Variants in SLC9C2 observed in about 807,000 individuals in gnomAD.
SLC9C2 encodes sodium/hydrogen exchanger 11.
A neutral mutation model predicts 140.2 loss-of-function variants in SLC9C2; 75 were observed. The observed-to-expected ratio is 0.53, with a 90% CI of 0.44 to 0.65. The LOEUF is 0.65. Among genes scored for constraint, SLC9C2 ranks in the 30% least tolerant of loss-of-function variants. The pLI is 0.00. For synonymous variants in SLC9C2, 375 were observed against 420.9 expected (o/e 0.89, Z 1.34); for missense variants, 1,074 against 1,331.8 (o/e 0.81, Z 3.01).
At chr1:173,563,796 T>G (rs1467624031) in intron 9 of SLC9C2, among the ~76,000 whole-genome samples, 1 of 152,158 alleles carries the variant, frequency 6.6e-6, no homozygotes, top group African/African-American at 2.4e-5. Flanking sequence ...TACTAGGTTT[T>G]ACTCATTCTA....
At chr1:173,534,252 C>T (rs1047180004) in intron 16 of SLC9C2, among the ~76,000 whole-genome samples, 8 of 152,086 alleles carry the variant, frequency 5.3e-5, no homozygotes, top group Non-Finnish European at 1.0e-4. Context: ...TTACCTGATC[C>T]TTGAGAATCT....
At position 173,506,861 on chromosome 1, in the gene SLC9C2, CA is replaced by C; in HGVS notation, c.3219del (p.Cys1073TrpfsTer10). On this transcript the variant is annotated frameshift_variant, in exon 25 of 28. Coordinates refer to ENST00000367714, the MANE Select transcript of SLC9C2 (RefSeq NM_178527.4). LOFTEE classifies it high-confidence loss of function. Reference protein sequence around the residue: ...YFAPCIIPTTCEQVQGTSDLS... With the variant: ...YFAPCIIPTTXEQVQGTSDLS... ...TTAGAAATGATATTTCTTACCTGCT[CA>C]CAGGTTGTAGGTATAATGCAAGGTG... 1 of 1,611,610 alleles carries C rather than the reference CA, an allele frequency of 6.2e-7. No individual in the cohort carries two copies. Among genetic ancestry groups the C allele is most frequent in the South Asian group, 1.1e-5 (1 of 90,618 alleles).
At chr1:173,594,931 G>A (rs541975645) in intron 4 of SLC9C2, among the ~76,000 whole-genome samples, 12 of 152,136 alleles carry the variant, frequency 7.9e-5, no homozygotes, top group Admixed American at 3.9e-4. Flanking sequence ...ACAGAGTCTC[G>A]CTCTGTTGCC....
At chr1:173,602,400 A>G (rs1666840252) in intron 1 of SLC9C2, among the ~76,000 whole-genome samples, 1 of 152,212 alleles carries the variant, frequency 6.6e-6, no homozygotes, top group Non-Finnish European at 1.5e-5. Flanking sequence ...ACAAAGTCAA[A>G]GTTGAGTCAC....
At chr1:173,526,614 T>C (rs766783528) in intron 19 of SLC9C2, 49 bp downstream of exon 19, 5 of 1,397,466 alleles carry the variant, frequency 3.6e-6, no homozygotes, top group Non-Finnish European at 5.0e-6. Flanking sequence ...TATTAAATTA[T>C]AGGACAATAA....
At chr1:173,590,598 C>G (rs1666104004) in intron 4 of SLC9C2, among the ~76,000 whole-genome samples, 1 of 152,098 alleles carries the variant, frequency 6.6e-6, no homozygotes, top group African/African-American at 2.4e-5. Flanking sequence ...TAAAATAGAA[C>G]AAGTGTAACC....
At position 173,581,469 on chromosome 1, in the gene SLC9C2, T is replaced by C. The variant is rs112765833; in HGVS notation, c.802+378A>G. On this transcript the variant is annotated intron_variant, in intron 7 of 27. Coordinates refer to ENST00000367714, the MANE Select transcript of SLC9C2 (RefSeq NM_178527.4). Reference sequence around the variant, plus strand: ...TCCATTGAATTAAAGGCTGTTGATCTAGAAAAGCCTCAGGAGCATCTCTCC... The same window carrying C: ...TCCATTGAATTAAAGGCTGTTGATCCAGAAAAGCCTCAGGAGCATCTCTCC... 2.5e-4 allele frequency among the ~76,000 whole-genome samples: 38 copies of C among 152,322 alleles called. 1 individual carries two copies. Among genetic ancestry groups the C allele is most frequent in the African/African-American group, 8.7e-4 (36 of 41,562 alleles).
At chr1:173,529,778 A>G in intron 18 of SLC9C2, 127 bp downstream of exon 18, 8 of 1,031,930 alleles carry the variant, frequency 7.8e-6, no homozygotes, top group Non-Finnish European at 9.9e-6. Flanking sequence ...ATGATATAAT[A>G]AACAACTGAA....
chr1:173,551,359 C>G (rs975555558), intron 11 of SLC9C2, among the ~76,000 whole-genome samples: 2 of 152,064 alleles, frequency 1.3e-5, no homozygotes, highest in Non-Finnish European at 1.5e-5. Flanking sequence ...AGTAAATCGG[C>G]CTTCTGGTTT....
intron 17 of SLC9C2, among the ~76,000 whole-genome samples, chr1:173,533,406 G>A (rs754077531): frequency 1.2e-4 from 18 of 152,026 alleles, no homozygotes; most frequent in Middle Eastern, 3.2e-3. Context: ...AGCCTCCCAA[G>A]TAGCTGGGAC....
At chr1:173,550,420 T>TTTTA (rs754602433) in intron 11 of SLC9C2, among the ~76,000 whole-genome samples, 1,471 of 143,442 alleles carry the variant, frequency 0.01, 19 homozygotes, top group South Asian at 0.036. Flanking sequence ...TATTTTTTTA[T>TTTTA]TTTATTTATT....
chr1:173,580,251 CT>C (rs1665442120), intron 7 of SLC9C2, among the ~76,000 whole-genome samples: 1 of 152,164 alleles, frequency 6.6e-6, no homozygotes, highest in Non-Finnish European at 1.5e-5. Flanking sequence ...ATAATCAGCT[CT>C]GGCAAGCCAG....
intron 23 of SLC9C2, among the ~76,000 whole-genome samples, chr1:173,516,203 T>A (rs749635066): frequency 2.0e-5 from 3 of 152,224 alleles, no homozygotes; most frequent in Non-Finnish European, 4.4e-5. Context: ...TTGGCTCATT[T>A]CTATTTGAAT....
At chr1:173,526,567 A>G in intron 19 of SLC9C2, 96 bp downstream of exon 19, 1 of 1,130,986 alleles carries the variant, frequency 8.8e-7, no homozygotes, top group Non-Finnish European at 1.3e-6. Context: ...GCATAAATGA[A>G]TGAGCAAGTA....
At position 173,548,480 on chromosome 1, in the gene SLC9C2, T is replaced by C; in HGVS notation, c.1370A>G (p.Gln457Arg). 6.2e-7 allele frequency: 1 copy of C among 1,613,880 alleles called. No homozygotes were observed. The highest frequency in any genetic ancestry group is 1.7e-4 in the Middle Eastern group (1 of 6,056). ...TGTTTTAAATAAAGTTATTGTGTTC[T>C]GTACTATCTCCTGTATGTGCTGAGT... ...NATQHIQEIVQNTITLFKTEK... is the reference protein window; with the variant it reads ...NATQHIQEIVRNTITLFKTEK... The change falls in exon 12 of 28, where the codon CAG (glutamine) becomes CGG (arginine). Residue 457 changes from glutamine to arginine, a missense_variant. Physicochemically the swap from Gln to Arg is conservative, Grantham distance 43 (BLOSUM62 1). Coordinates refer to ENST00000367714, the MANE Select transcript of SLC9C2 (RefSeq NM_178527.4).
chr1:173,575,726 G>A (rs371499178), intron 8 of SLC9C2, among the ~76,000 whole-genome samples: 1 of 152,054 alleles, frequency 6.6e-6, no homozygotes, highest in East Asian at 1.9e-4. Flanking sequence ...ACAGGAGCCT[G>A]CCACCACGCC....
intron 24 of SLC9C2, among the ~76,000 whole-genome samples, chr1:173,508,814 A>G (rs1659833112): frequency 6.6e-6 from 1 of 152,212 alleles, no homozygotes; most frequent in African/African-American, 2.4e-5. Flanking sequence ...GTCCAGAGAA[A>G]ACTTGAACCA....
intron 17 of SLC9C2, among the ~76,000 whole-genome samples, chr1:173,532,647 T>C (rs1408888554): frequency 6.6e-6 from 1 of 152,156 alleles, no homozygotes; most frequent in Non-Finnish European, 1.5e-5. Context: ...TGTATTTGGG[T>C]TACCCTGCTT....
chr1:173,521,308 A>G lies in SLC9C2; in HGVS notation c.2732T>C (p.Met911Thr). Residue 911 changes from methionine (M) to threonine (T), a missense_variant, in exon 22 of 28, where the codon ATG (methionine) becomes ACG (threonine). By Grantham distance (81) the Met-to-Thr change is moderately conservative. Transcript: ENST00000367714. The stretch of plus-strand genomic sequence containing the variant: ...AAATCAATAGTCCCTTACAATTGCC[A>G]TTCCTGAAATAATTAAGTAGATTCC... Reference protein sequence around the residue: ...PQGIYLIISGMAILHSLSPTF... With the variant: ...PQGIYLIISGTAILHSLSPTF... The G allele has an allele frequency of 6.6e-7, 1 of 1,515,560 alleles. No individual in the cohort carries two copies. The highest frequency in any genetic ancestry group is 8.8e-7 in the Non-Finnish European group (1 of 1,135,014). 93.9% of individuals were successfully genotyped at this position (1,515,560 alleles called of 1,614,324 possible).
Sources: gnomAD v4.1 joint callset for allele counts (sites outside exome capture counted in the v4.1 genomes callset) on GRCh38, gnomAD v4.1.1 for gene constraint, MANE v1.5 for transcripts, NCBI Gene and HGNC (gene_info 2026-07-23, HGNC 2026-07-21) for gene names.